The following ELOVL6 variants were observed in gnomAD, a reference collection of about 807,000 sequenced individuals.
ELOVL6 encodes ELOVL fatty acid elongase 6, also known as very long chain fatty acid elongase 6.
ELOVL6 carries 8 observed loss-of-function variants against 31.7 expected under a neutral mutation model. The ratio of observed to expected loss-of-function variants is 0.25; its 90% confidence interval spans 0.15 to 0.45. ELOVL6 has a LOEUF of 0.45. ELOVL6 is among the 20% of genes least tolerant of loss of function. The probability of loss-of-function intolerance (pLI) is 1.00; values close to 1 mark genes in which losing one functional copy is unlikely to be tolerated. For missense variants in ELOVL6, 126 were observed against 326.4 expected (o/e 0.39, Z 4.73); for synonymous variants, 101 against 117.7 (o/e 0.86, Z 0.92).
intron 1 of ELOVL6, among the ~76,000 whole-genome samples, chr4:110,152,956 C>T (rs879448509): frequency 3.3e-5 from 5 of 152,186 alleles, no homozygotes; most frequent in Non-Finnish European, 7.3e-5. Flanking sequence ...GGATGCCAAA[C>T]CTATGTGACC....
chr4:110,077,110 G>C (rs1163838765), intron 2 of ELOVL6, among the ~76,000 whole-genome samples: 8 of 152,194 alleles, frequency 5.3e-5, no homozygotes, highest in Admixed American at 5.2e-4. Flanking sequence ...ACTGGGTGGA[G>C]CCAACCGCAG....
chr4:110,124,524 G>T (rs1560833648), intron 1 of ELOVL6, among the ~76,000 whole-genome samples: 1 of 152,092 alleles, frequency 6.6e-6, no homozygotes, highest in Non-Finnish European at 1.5e-5. Context: ...ATGGACACGA[G>T]GAAGGGAACA....
intron 2 of ELOVL6, among the ~76,000 whole-genome samples, chr4:110,077,472 C>A (rs1755678516): frequency 6.6e-6 from 1 of 152,316 alleles, no homozygotes; most frequent in African/African-American, 2.4e-5. Context: ...GATACCCAGG[C>A]AAACAGGGTC....
chr4:110,178,265 G>A (rs952582880), intron 1 of ELOVL6, among the ~76,000 whole-genome samples: 2 of 152,102 alleles, frequency 1.3e-5, no homozygotes, highest in Admixed American at 6.6e-5. Flanking sequence ...AAAAGAAAAC[G>A]AGCCGTGCAC....
At chr4:110,121,155 G>C (rs1030626305) in intron 1 of ELOVL6, among the ~76,000 whole-genome samples, 2 of 152,156 alleles carry the variant, frequency 1.3e-5, no homozygotes, top group Non-Finnish European at 2.9e-5. Context: ...GAGGAAATGC[G>C]TAAGGCAGGG....
chr4:110,131,972 G>A (rs914126919), intron 1 of ELOVL6, among the ~76,000 whole-genome samples: 4 of 152,180 alleles, frequency 2.6e-5, no homozygotes, highest in African/African-American at 9.7e-5. Context: ...GAAAAGAATG[G>A]GGGAAGAGGT....
At chr4:110,079,520 T>A (rs1364203870) in intron 2 of ELOVL6, among the ~76,000 whole-genome samples, 1 of 151,934 alleles carries the variant, frequency 6.6e-6, no homozygotes, top group African/African-American at 2.4e-5. Context: ...AAAGCAGAAA[T>A]AAAGATGTTC....
chr4:110,181,040 A>C (rs1432352775), intron 1 of ELOVL6, among the ~76,000 whole-genome samples: 1 of 152,124 alleles, frequency 6.6e-6, no homozygotes, highest in Non-Finnish European at 1.5e-5. Flanking sequence ...AGGGAGGCTG[A>C]GGCGGAAGGA....
intron 1 of ELOVL6, among the ~76,000 whole-genome samples, chr4:110,128,118 A>T (rs1254374926): frequency 6.6e-6 from 1 of 152,118 alleles, no homozygotes; most frequent in East Asian, 1.9e-4. Flanking sequence ...TGGGTCAGAG[A>T]AGGCTTTCTG....
intron 1 of ELOVL6, among the ~76,000 whole-genome samples, chr4:110,127,691 A>G (rs927847720): frequency 1.3e-5 from 2 of 152,140 alleles, no homozygotes; most frequent in African/African-American, 4.8e-5. Flanking sequence ...TTATGGTACA[A>G]AATTTTGCTG....
chr4:110,076,619 T>C (rs2005701), intron 2 of ELOVL6, among the ~76,000 whole-genome samples: 85,089 of 152,014 alleles, frequency 0.56, 25,232 homozygotes, highest in African/African-American at 0.76. Context: ...GCCAAGAAGG[T>C]CAAATAAGAA....
chr4:110,051,465 T>C lies in ELOVL6; in HGVS notation c.671A>G (p.Gln224Arg). The C allele has an allele frequency of 6.2e-7, 1 of 1,614,200 alleles. No homozygotes were observed. The highest frequency in any genetic ancestry group is 1.1e-5 in the South Asian group (1 of 91,090). ...GATGTTCTGAAAGTGAGAGTGACAC[T>C]GGTCATGCTGCATCCAGCAGAAGAC... ...YLVFCWMQHD[Q>R]CHSHFQNIFW... Residue 224 changes from glutamine to arginine, a missense_variant, in exon 4 of 4, where the codon CAG (glutamine) becomes CGG (arginine). By Grantham distance (43) the Gln-to-Arg change is conservative. This residue lies in a region of ELOVL6 where 57 missense variants were observed against 110.2 expected (regional missense o/e 0.52). Coordinates refer to ENST00000302274, the MANE Select transcript of ELOVL6 (RefSeq NM_024090.3). The surrounding 1 kb of genome is among the most constrained non-coding windows in gnomAD (Gnocchi z 4.8).
intron 2 of ELOVL6, among the ~76,000 whole-genome samples, chr4:110,077,714 C>G (rs1460966983): frequency 1.3e-5 from 2 of 152,128 alleles, no homozygotes; most frequent in East Asian, 3.9e-4. Flanking sequence ...AACTCCTCAC[C>G]AGCAATGGAA....
chr4:110,061,004 C>T (rs1179679555), intron 2 of ELOVL6, among the ~76,000 whole-genome samples: 1 of 152,192 alleles, frequency 6.6e-6, no homozygotes, highest in Non-Finnish European at 1.5e-5. Flanking sequence ...AGTTTAATTC[C>T]TGGCAATTGT....
intron 1 of ELOVL6, among the ~76,000 whole-genome samples, chr4:110,131,791 G>T (rs1343033798): frequency 6.6e-6 from 1 of 152,114 alleles, no homozygotes; most frequent in African/African-American, 2.4e-5. Flanking sequence ...AGATGCTGGT[G>T]ACACAAACCT....
chr4:110,117,903 A>AAAAAAAAAAAAATTAT, intron 1 of ELOVL6: 7 of 6,504 alleles, frequency 1.1e-3, no homozygotes, highest in African/African-American at 2.3e-3. Context: ...AAAAAAAAAA[A>AAAAAAAAAAAAATTAT]ATATATATAT....
At position 110,051,527 on chromosome 4, in the gene ELOVL6, G is replaced by A; in HGVS notation, c.609C>T (p.Ile203=). ...KFAMFITLSQ[I]TQMLMGCVVN... The stretch of plus-strand genomic sequence containing the variant: ...CCACACAGCCCATCAGCATCTGAGT[G>A]ATCTGGGACAAGGTGATGAACATGG... The change falls in exon 4 of 4, where the codon ATC becomes ATT. Residue 203 remains isoleucine (I), a synonymous_variant. Transcript: ENST00000302274. The surrounding 1 kb of genome is among the most constrained non-coding windows in gnomAD (Gnocchi z 4.8). The A allele has an allele frequency of 6.2e-7, 1 of 1,614,214 alleles. No homozygotes were observed. The highest frequency in any genetic ancestry group is 8.5e-7 in the Non-Finnish European group (1 of 1,180,034).
chr4:110,084,588 A>ATATATATAT (rs1553956261), intron 2 of ELOVL6, among the ~76,000 whole-genome samples: 1 of 29,660 alleles, frequency 3.4e-5, no homozygotes, highest in Non-Finnish European at 5.3e-5. Context: ...ATATATATAT[A>ATATATATAT]TTTTTTTTTT....
chr4:110,118,309 C>T (rs1361802885), intron 1 of ELOVL6, among the ~76,000 whole-genome samples: 4 of 151,924 alleles, frequency 2.6e-5, no homozygotes, highest in Non-Finnish European at 5.9e-5. Flanking sequence ...CAAGACACCA[C>T]CCCCCTAACT....
Sources: allele counts gnomAD v4.1 joint callset (sites outside exome capture counted in the v4.1 genomes callset), GRCh38; gene constraint gnomAD v4.1.1; regional missense constraint gnomAD v4.1.1; non-coding constraint Gnocchi (gnomAD v3.1); transcripts MANE v1.5; gene names NCBI Gene and HGNC (gene_info 2026-07-23, HGNC 2026-07-21).